ZNF385B: variants seen among roughly 807,000 people sequenced by gnomAD.
ZNF385B encodes the protein zinc finger protein 385B.
ZNF385B carries 23 observed loss-of-function variants against 39.2 expected under a neutral mutation model. That is an observed-to-expected ratio of 0.59 (90% CI 0.42 to 0.83). The LOEUF (loss-of-function observed/expected upper bound fraction) is 0.83, where lower values mean the gene tolerates loss of function less well. Ranked by LOEUF, ZNF385B falls within the 40% of genes least tolerant of loss-of-function variation. The probability of loss-of-function intolerance (pLI) is 0.00; values close to 1 mark genes in which losing one functional copy is unlikely to be tolerated. For synonymous variants in ZNF385B, 205 were observed against 222.6 expected (o/e 0.92, Z 0.70); for missense variants, 552 against 598.9 (o/e 0.92, Z 0.82).
At chr2:179,710,470 G>A (rs12466810) in intron 3 of ZNF385B, among the ~76,000 whole-genome samples, 140 of 152,270 alleles carry the variant, frequency 9.2e-4, no homozygotes, top group Admixed American at 7.3e-3. Flanking sequence ...CCCGTCGTAC[G>A]ATTAAAATAA....
chr2:179,702,178 A>G (rs1004998924), intron 3 of ZNF385B, among the ~76,000 whole-genome samples: 1 of 152,228 alleles, frequency 6.6e-6, no homozygotes, highest in Non-Finnish European at 1.5e-5. Flanking sequence ...GGGTATTTTA[A>G]CATTTAGATA....
chr2:179,622,902 A>G (rs1690335287), intron 3 of ZNF385B, among the ~76,000 whole-genome samples: 1 of 152,220 alleles, frequency 6.6e-6, no homozygotes, highest in African/African-American at 2.4e-5. Flanking sequence ...GGGCCAGTTC[A>G]TGCACTACCA....
chr2:179,536,474 A>G (rs2059574436), intron 4 of ZNF385B: 1 of 152,208 alleles, frequency 6.6e-6, no homozygotes, highest in African/African-American at 2.4e-5. Context: ...AAAGAAAGGG[A>G]CATACAAGAG....
intron 3 of ZNF385B, among the ~76,000 whole-genome samples, chr2:179,637,973 G>C (rs1440645367): frequency 2.0e-5 from 3 of 152,172 alleles, no homozygotes; most frequent in African/African-American, 7.2e-5. Flanking sequence ...TTTTCGTATA[G>C]CTGGCAATGT....
chr2:179,721,772 A>G (rs2106407094), intron 3 of ZNF385B, among the ~76,000 whole-genome samples: 1 of 152,186 alleles, frequency 6.6e-6, no homozygotes, highest in East Asian at 1.9e-4. Context: ...ATGAAACTTG[A>G]AAGTATTCCC....
intron 3 of ZNF385B, among the ~76,000 whole-genome samples, chr2:179,653,994 G>C (rs1693471615): frequency 6.6e-6 from 1 of 152,180 alleles, no homozygotes; most frequent in Admixed American, 6.5e-5. Flanking sequence ...TAATAGAGAA[G>C]GGTTATGGGT....
chr2:179,635,143 G>GA (rs1253128353), intron 3 of ZNF385B, among the ~76,000 whole-genome samples: 1,378 of 128,244 alleles, frequency 0.011, 19 homozygotes, highest in African/African-American at 0.036. Flanking sequence ...CTCCGTCTCA[G>GA]AAAAAAAAAA....
At chr2:179,593,547 A>G (rs992275639) in intron 3 of ZNF385B, among the ~76,000 whole-genome samples, 1 of 152,172 alleles carries the variant, frequency 6.6e-6, no homozygotes, top group Non-Finnish European at 1.5e-5. Flanking sequence ...GCGTAGAACA[A>G]TTACTTAAAT....
intron 1 of ZNF385B, among the ~76,000 whole-genome samples, chr2:179,818,084 TG>T (rs1707181699): frequency 6.6e-6 from 1 of 151,954 alleles, no homozygotes; most frequent in Admixed American, 6.6e-5. Context: ...GTGTGTAATA[TG>T]TTGTGTGTGT....
At chr2:179,447,503 T>C (rs954488299) in intron 6 of ZNF385B, among the ~76,000 whole-genome samples, 1 of 152,198 alleles carries the variant, frequency 6.6e-6, no homozygotes, top group African/African-American at 2.4e-5. Flanking sequence ...TCAAGGCCCA[T>C]GTGCAGGCTA....
At chr2:179,601,855 T>C (rs1212064153) in intron 3 of ZNF385B, among the ~76,000 whole-genome samples, 3 of 152,160 alleles carry the variant, frequency 2.0e-5, no homozygotes, top group African/African-American at 7.2e-5. Context: ...TTGCCCCAAA[T>C]ATGCCATGAG....
chr2:179,743,684 G>T (rs1365717290), intron 3 of ZNF385B, among the ~76,000 whole-genome samples: 4 of 152,074 alleles, frequency 2.6e-5, no homozygotes, highest in Admixed American at 1.3e-4. Context: ...TTCAACCAGG[G>T]TTATCTTCTG....
At chr2:179,545,040 A>G in intron 3 of ZNF385B, 71 bp from the exon 4 acceptor site, 1 of 1,601,104 alleles carries the variant, frequency 6.2e-7, no homozygotes, top group Non-Finnish European at 8.5e-7. Flanking sequence ...CCTACAGTGC[A>G]AGAACAAGTC....
Position 179,782,652 on chromosome 2 carries a change from T to C in ZNF385B, c.-154-11980A>G, listed in dbSNP as rs990279521. ...GCAAAGTTTCAGGATATAAAATCAA[T>C]GTACAAAAATCACTAGCATTCTTAT... On this transcript the variant is annotated intron_variant, in intron 1 of 9. Transcript: ENST00000410066. 5.3e-5 allele frequency among the ~76,000 whole-genome samples: 8 copies of C among 152,312 alleles called. No homozygotes were observed. The South Asian group carries it at 6.2e-4, about 12-fold the overall frequency.
At chr2:179,671,488 G>A (rs1383288978) in intron 3 of ZNF385B, among the ~76,000 whole-genome samples, 1 of 152,220 alleles carries the variant, frequency 6.6e-6, no homozygotes, top group East Asian at 1.9e-4. Flanking sequence ...GCCAAATGAT[G>A]ATGATCCAAG....
chr2:179,789,857 A>G (rs923279375), intron 1 of ZNF385B, among the ~76,000 whole-genome samples: 1 of 152,220 alleles, frequency 6.6e-6, no homozygotes, highest in East Asian at 1.9e-4. Context: ...AAATGGAAAT[A>G]TAAGGAAATA....
intron 9 of ZNF385B, 52 bp from the exon 10 acceptor site, chr2:179,443,520 C>G (rs1044575858): frequency 6.7e-6 from 9 of 1,350,270 alleles, no homozygotes; most frequent in Admixed American, 5.9e-5. Flanking sequence ...TTTTGAATAA[C>G]AGCACCACAG....
At chr2:179,534,533 A>C (rs549091404) in intron 4 of ZNF385B, among the ~76,000 whole-genome samples, 163 of 152,312 alleles carry the variant, frequency 1.1e-3, no homozygotes, top group African/African-American at 3.6e-3. Flanking sequence ...TTCCTCATAA[A>C]TATAATAAAC....
At chr2:179,583,808 A>G (rs1189046165) in intron 3 of ZNF385B, among the ~76,000 whole-genome samples, 1 of 152,224 alleles carries the variant, frequency 6.6e-6, no homozygotes, top group East Asian at 1.9e-4. Flanking sequence ...CCCCATGATC[A>G]GTATCTCAAA....
Sources: allele counts gnomAD v4.1 joint callset (sites outside exome capture counted in the v4.1 genomes callset), GRCh38; gene constraint gnomAD v4.1.1; transcripts MANE v1.5; gene names NCBI Gene and HGNC (gene_info 2026-07-23, HGNC 2026-07-21).